Variants in TANGO6 observed in about 807,000 individuals in gnomAD.
The protein encoded by TANGO6 is transport and Golgi organization protein 6 homolog.
In TANGO6, 90 loss-of-function variants were observed where a neutral mutation model predicts 114.2. The observed-to-expected ratio is 0.79, with a 90% CI of 0.66 to 0.94. The LOEUF (loss-of-function observed/expected upper bound fraction) is 0.94, where lower values mean the gene tolerates loss of function less well. TANGO6 is among the 40% of genes least tolerant of loss of function. TANGO6 has a pLI of 0.00. For synonymous variants in TANGO6, 477 were observed against 509.8 expected, an observed-to-expected ratio of 0.94 and a Z score of 0.87; for missense variants, 1,274 against 1,315.3, an observed-to-expected ratio of 0.97 and a Z score of 0.49.
chr16:68,923,800 ATTTGTTTTGTTTTGTTTTGTTTTGT>A (rs145246572), intron 12 of TANGO6, among the ~76,000 whole-genome samples: 3 of 150,838 alleles, frequency 2.0e-5, no homozygotes, highest in African/African-American at 7.3e-5. Flanking sequence ...AGGAGGCATG[ATTTGTTTTGTTTTGTTTTGTTTTGT>A]TTTGTTTTGT....
chr16:69,047,802 TATA>T (rs1442809602), intron 17 of TANGO6, among the ~76,000 whole-genome samples: 1 of 152,170 alleles, frequency 6.6e-6, no homozygotes, highest in Non-Finnish European at 1.5e-5. Context: ...TAGTGGCTAA[TATA>T]ATATATAGCC....
At chr16:69,046,421 C>T (rs924832333) in intron 17 of TANGO6, among the ~76,000 whole-genome samples, 7 of 151,624 alleles carry the variant, frequency 4.6e-5, no homozygotes, top group African/African-American at 1.7e-4. Context: ...CCTATTCAAG[C>T]GATTCTTCCA....
intron 14 of TANGO6, among the ~76,000 whole-genome samples, chr16:68,967,540 C>T (rs939043004): frequency 2.6e-5 from 4 of 152,218 alleles, no homozygotes; most frequent in Non-Finnish European, 4.4e-5. Flanking sequence ...AGCAGTCACT[C>T]CCTGCTTTCT....
At chr16:68,905,366 T>A (rs955223438) in intron 9 of TANGO6, among the ~76,000 whole-genome samples, 1 of 151,542 alleles carries the variant, frequency 6.6e-6, no homozygotes, top group African/African-American at 2.4e-5. Context: ...TGAAACCCTG[T>A]CTCTACTAAA....
At chr16:69,009,054 A>C (rs1202575626) in intron 15 of TANGO6, among the ~76,000 whole-genome samples, 1 of 150,820 alleles carries the variant, frequency 6.6e-6, no homozygotes, top group Non-Finnish European at 1.5e-5. Flanking sequence ...AATTGAACAT[A>C]AACAGGAGAG....
intron 15 of TANGO6, among the ~76,000 whole-genome samples, chr16:69,020,887 C>T (rs1003903362): frequency 5.1e-5 from 7 of 136,984 alleles, no homozygotes; most frequent in Non-Finnish European, 9.5e-5. Context: ...ACCCACCCCC[C>T]CTTTATATAT....
intron 14 of TANGO6, among the ~76,000 whole-genome samples, chr16:68,958,142 G>A (rs1307712884): frequency 6.6e-6 from 1 of 150,940 alleles, no homozygotes; most frequent in Non-Finnish European, 1.5e-5. Flanking sequence ...TTGCACTCCA[G>A]CCTGGGCAAG....
At chr16:68,863,490 A>G (rs766253536) in intron 3 of TANGO6, among the ~76,000 whole-genome samples, 16 of 152,148 alleles carry the variant, frequency 1.1e-4, no homozygotes, top group Non-Finnish European at 1.9e-4. Context: ...CATGCCTGCA[A>G]TCCCAGCTAC....
intron 17 of TANGO6, among the ~76,000 whole-genome samples, chr16:69,073,080 AGC>A (rs1188720103): frequency 2.0e-5 from 3 of 151,134 alleles, no homozygotes; most frequent in African/African-American, 7.3e-5. Context: ...AAAAAGTGGA[AGC>A]TCTAGAATTT....
intron 15 of TANGO6, among the ~76,000 whole-genome samples, chr16:69,010,246 T>C (rs1020190981): frequency 6.6e-6 from 1 of 152,208 alleles, no homozygotes; most frequent in African/African-American, 2.4e-5. Context: ...GCTAAAGGCA[T>C]TGCAGTAGAA....
At chr16:68,909,525 T>C (rs993116291) in intron 11 of TANGO6, 123 bp downstream of exon 11, 5 of 964,690 alleles carry the variant, frequency 5.2e-6, no homozygotes, top group Non-Finnish European at 2.8e-6. Flanking sequence ...GGAATGCTGG[T>C]TAAATATGGA....
chr16:69,053,644 T>G (rs769974999), intron 17 of TANGO6, among the ~76,000 whole-genome samples: 3 of 152,192 alleles, frequency 2.0e-5, no homozygotes, highest in Non-Finnish European at 4.4e-5. Context: ...TGATACTCTA[T>G]GTACAGGTAC....
At chr16:69,017,661 G>T (rs550003286) in intron 15 of TANGO6, among the ~76,000 whole-genome samples, 4 of 152,140 alleles carry the variant, frequency 2.6e-5, no homozygotes, top group Admixed American at 2.6e-4. Flanking sequence ...CACACACTTA[G>T]AAGTGGAAGG....
At position 69,044,760 on chromosome 16, in the gene TANGO6, G is replaced by A. The variant is rs147289429; in HGVS notation, c.3108+4339G>A. On this transcript the variant is annotated intron_variant, in intron 17 of 17. Coordinates refer to ENST00000261778, the MANE Select transcript of TANGO6 (RefSeq NM_024562.2). ...AAGCAGGGTGTGTTGGCACATGCCC[G>A]TAGTCTCAGATACTTAAGAGGCTGA... is the stretch of plus-strand genomic sequence containing the variant. Among the ~76,000 whole-genome samples, 386 of 152,260 alleles carry A rather than the reference G, an allele frequency of 2.5e-3. 1 individual carries two copies. Among genetic ancestry groups the A allele is most frequent in the African/African-American group, 8.9e-3 (370 of 41,554 alleles).
rs1963189088 is a variant in TANGO6, at chr16:68,927,862, G to A, written c.2422G>A (p.Gly808Ser). Residue 808 changes from glycine to serine, a missense_variant, in exon 13 of 18, where the codon GGC becomes AGC. Gly to Ser is a moderately conservative substitution (Grantham distance 56). Coordinates refer to ENST00000261778, the MANE Select transcript of TANGO6 (RefSeq NM_024562.2). ...QQSHETAPQT[G>S]LQSNAPIIPQ... ...GAGCCATGAGACAGCCCCCCAGACA[G>A]GCCTGCAGTCAAATGCTCCAATCAT... is the stretch of plus-strand genomic sequence containing the variant. 6.2e-7 allele frequency: 1 copy of A among 1,613,838 alleles called. No homozygotes were observed. Among genetic ancestry groups the A allele is most frequent in the African/African-American group, 1.3e-5 (1 of 74,926 alleles).
intron 7 of TANGO6, among the ~76,000 whole-genome samples, chr16:68,891,046 C>T (rs1962607299): frequency 6.8e-6 from 1 of 146,184 alleles, no homozygotes; most frequent in Non-Finnish European, 1.5e-5. Context: ...AAAAAAAAGA[C>T]TTTGGGAGGC....
chr16:68,928,298 A>ATTTTTTTTT (rs10701295), intron 13 of TANGO6, among the ~76,000 whole-genome samples: 28 of 98,596 alleles, frequency 2.8e-4, no homozygotes, highest in East Asian at 6.1e-4. Context: ...CTGAGTGCCA[A>ATTTTTTTTT]TTTTTTTTTT....
At position 68,899,513 on chromosome 16, in the gene TANGO6, T is replaced by C. The variant is rs371980062; in HGVS notation, c.1378-921T>C. Among the ~76,000 whole-genome samples the C allele has an allele frequency of 1.6e-3, 250 of 152,182 alleles. 1 individual carries two copies. Among genetic ancestry groups the C allele is most frequent in the African/African-American group, 5.7e-3 (236 of 41,520 alleles). On this transcript the variant is annotated intron_variant, in intron 7 of 17. Transcript: ENST00000261778. ...TTCACCATCCTCACACACTTTTTTT[T>C]TTTTTTAATTTTTTTCATAGGCAGT...
chr16:69,058,931 T>C (rs1288086406), intron 17 of TANGO6, among the ~76,000 whole-genome samples: 2 of 146,574 alleles, frequency 1.4e-5, no homozygotes, highest in Non-Finnish European at 3.0e-5. Context: ...TTTTGAGACA[T>C]AGTTTTGCTC....
Sources: allele counts gnomAD v4.1 joint callset (sites outside exome capture counted in the v4.1 genomes callset), GRCh38; gene constraint gnomAD v4.1.1; transcripts MANE v1.5; gene names NCBI Gene and HGNC (gene_info 2026-07-23, HGNC 2026-07-21).